Variants in DNAJC16 observed in about 807,000 individuals in gnomAD.
The protein encoded by DNAJC16 is DnaJ heat shock protein family (Hsp40) member C16, also known as dnaJ homolog subfamily C member 16.
Under a neutral mutation model 92.7 loss-of-function variants are expected in DNAJC16, and 76 were observed. That is an observed-to-expected ratio of 0.82 (90% CI 0.68 to 0.99). The LOEUF (loss-of-function observed/expected upper bound fraction) is 0.99, where lower values mean the gene tolerates loss of function less well. Among genes scored for constraint, DNAJC16 ranks in the 50% least tolerant of loss-of-function variants. The pLI is 0.00. For missense variants in DNAJC16, 869 were observed against 942.4 expected (o/e 0.92, Z 1.02); for synonymous variants, 328 against 358.7 (o/e 0.91, Z 0.97).
rs1182203540 is a variant in DNAJC16, at chr1:15,559,285, C to A, written c.1024-241C>A. Among the ~76,000 whole-genome samples the A allele has an allele frequency of 3.9e-5, 6 of 152,142 alleles. No individual in the cohort carries two copies. In the East Asian group the frequency reaches 5.8e-4, roughly 15 times the overall value. ...CAGCATAAAACAGTGAATAAAAATT[C>A]TCCAGTGGAAAGTGTACTTGATTTT... is the stretch of plus-strand genomic sequence containing the variant. On this transcript the variant is annotated intron_variant, in intron 7 of 14. Transcript: ENST00000375847.
chr1:15,533,364 C>G (rs1008944830), intron 2 of DNAJC16, among the ~76,000 whole-genome samples: 1 of 152,152 alleles, frequency 6.6e-6, no homozygotes, highest in Admixed American at 6.5e-5. Context: ...TGGTGGCTCA[C>G]GCCTGTATTC....
At chr1:15,538,508 A>G (rs1342471651) in intron 4 of DNAJC16, among the ~76,000 whole-genome samples, 1 of 152,188 alleles carries the variant, frequency 6.6e-6, no homozygotes, top group East Asian at 1.9e-4. Flanking sequence ...ACCTGAGGTC[A>G]GTAGTTCGAG....
intron 7 of DNAJC16, among the ~76,000 whole-genome samples, chr1:15,552,770 A>T (rs2753288): frequency 0.4 from 55,568 of 140,122 alleles, 11,364 homozygotes; most frequent in South Asian, 0.58. Context: ...ATTATTATTT[A>T]TTTTTTTTTT....
At position 15,536,803 on chromosome 1, in the gene DNAJC16, T is replaced by G. The variant is rs753437690; in HGVS notation, c.563T>G (p.Leu188Arg). Residue 188 changes from leucine to arginine, a missense_variant, in exon 4 of 15, where the codon CTG (leucine) becomes CGG (arginine). Transcript: ENST00000375847. ...GTGTGGAAAGAAGTCATTCAAGAAC[T>G]GGAAGAATTGGGTAAGATAATTTTA... is the stretch of plus-strand genomic sequence containing the variant. ...EPVWKEVIQELEELGVGIGVV... is the reference protein window; with the variant it reads ...EPVWKEVIQEREELGVGIGVV... 1 of 1,596,450 alleles carries G rather than the reference T, an allele frequency of 6.3e-7. No individual in the cohort carries two copies. The highest frequency in any genetic ancestry group is 8.5e-7 in the Non-Finnish European group (1 of 1,174,028).
chr1:15,535,720 ACT>A (rs1189777294), intron 3 of DNAJC16, among the ~76,000 whole-genome samples: 2 of 151,658 alleles, frequency 1.3e-5, no homozygotes, highest in Non-Finnish European at 2.9e-5. Context: ...ACAGAGTGAG[ACT>A]CTATCTCGAA....
At chr1:15,546,969 C>T in intron 6 of DNAJC16, 98 bp downstream of exon 6, 1 of 923,486 alleles carries the variant, frequency 1.1e-6, no homozygotes, top group Non-Finnish European at 1.6e-6. Context: ...AACTTATAGC[C>T]TATTTGTCTT....
chr1:15,565,701 A>T (rs1260386736), intron 11 of DNAJC16: 3 of 585,740 alleles, frequency 5.1e-6, no homozygotes. Context: ...GAGATACAAA[A>T]TCAAACTTTT....
intron 2 of DNAJC16, 62 bp downstream of exon 2, chr1:15,529,334 C>A: frequency 6.8e-7 from 1 of 1,476,866 alleles, no homozygotes; most frequent in South Asian, 1.3e-5. Flanking sequence ...GGGATGAAGT[C>A]TAAATTATGA....
At chr1:15,541,342 A>G (rs891915306) in intron 4 of DNAJC16, among the ~76,000 whole-genome samples, 5 of 152,086 alleles carry the variant, frequency 3.3e-5, no homozygotes, top group Non-Finnish European at 7.4e-5. Context: ...GTTATTTTTA[A>G]TGACTGCAGT....
At chr1:15,537,722 C>G (rs1710827176) in intron 4 of DNAJC16, among the ~76,000 whole-genome samples, 2 of 152,156 alleles carry the variant, frequency 1.3e-5, no homozygotes, top group Non-Finnish European at 2.9e-5. Context: ...CAGAGCAACT[C>G]AATGAAGGAG....
chr1:15,548,513 G>T, intron 7 of DNAJC16, 85 bp downstream of exon 7: 1 of 1,360,434 alleles, frequency 7.4e-7, no homozygotes. Context: ...TGAACAAAGT[G>T]GCTGAAGGAA....
chr1:15,538,928 G>A (rs1710860187), intron 4 of DNAJC16, among the ~76,000 whole-genome samples: 1 of 152,192 alleles, frequency 6.6e-6, no homozygotes, highest in African/African-American at 2.4e-5. Flanking sequence ...CATTCGAGTG[G>A]CGTGTTCTTC....
intron 7 of DNAJC16, among the ~76,000 whole-genome samples, chr1:15,550,906 G>A (rs1423207005): frequency 1.3e-5 from 2 of 152,184 alleles, no homozygotes; most frequent in Non-Finnish European, 2.9e-5. Flanking sequence ...ATCTCACTCT[G>A]TCGCCCAGGC....
Position 15,568,207 on chromosome 1 carries a change from C to A in DNAJC16, c.*30C>A. ...ATTTTCCAAAGAGATTTGAACTCTT[C>A]AGACTTTTTAACATGCCCCTGTGAA... On this transcript the variant is annotated 3_prime_UTR_variant, in exon 15 of 15. Transcript: ENST00000375847. 1 of 1,565,776 alleles carries A rather than the reference C, an allele frequency of 6.4e-7. No individual in the cohort carries two copies. The highest frequency in any genetic ancestry group is 2.2e-5 in the East Asian group (1 of 44,448).
chr1:15,539,011 G>A (rs192132605), intron 4 of DNAJC16, among the ~76,000 whole-genome samples: 2 of 152,210 alleles, frequency 1.3e-5, no homozygotes, highest in South Asian at 2.1e-4. Flanking sequence ...TGCAGCTGAG[G>A]GGGGAAAAAA....
chr1:15,565,675 C>T (rs1278968646), intron 11 of DNAJC16: 2 of 519,614 alleles, frequency 3.8e-6, no homozygotes, highest in African/African-American at 3.9e-5. Context: ...ACTTATTGAG[C>T]ATAGCCTATT....
Position 15,546,824 on chromosome 1 carries a change from C to T in DNAJC16, c.817C>T (p.His273Tyr). ...TGGCTGGCAGCAAGAGAATAAGCCT[C>T]ATGTCCTTCTGTTTGACCAAACGCC... ...LSGWQQENKP[H>Y]VLLFDQTPIV... Residue 273 changes from histidine (H) to tyrosine (Y), a missense_variant, in exon 6 of 15, where the codon CAT (histidine) becomes TAT (tyrosine). Transcript: ENST00000375847. The T allele has an allele frequency of 6.2e-7, 1 of 1,613,868 alleles. No homozygotes were observed. The highest frequency in any genetic ancestry group is 8.5e-7 in the Non-Finnish European group (1 of 1,179,966).
rs539180564 is a variant in DNAJC16, at chr1:15,554,896, C to G, written c.1024-4630C>G. Among the ~76,000 whole-genome samples the G allele has an allele frequency of 9.9e-5, 15 of 152,144 alleles. No individual in the cohort carries two copies. The East Asian group carries it at 2.9e-3, about 29-fold the overall frequency. On this transcript the variant is annotated intron_variant, in intron 7 of 14. Coordinates refer to ENST00000375847, the MANE Select transcript of DNAJC16 (RefSeq NM_015291.4). ...ATCCTTAGAAAATTGGGCCTTCCAA[C>G]CTTTGAACATGATATATCTGTTTCA...
intron 4 of DNAJC16, among the ~76,000 whole-genome samples, chr1:15,540,223 G>A (rs1406903697): frequency 5.3e-5 from 8 of 152,092 alleles, no homozygotes; most frequent in African/African-American, 1.9e-4. Context: ...CTACTGGGGA[G>A]GCTGAGACAG....
Sources: gnomAD v4.1 joint callset for allele counts (sites outside exome capture counted in the v4.1 genomes callset) on GRCh38, gnomAD v4.1.1 for gene constraint, MANE v1.5 for transcripts, NCBI Gene and HGNC (gene_info 2026-07-23, HGNC 2026-07-21) for gene names.